Variants in KCTD15 observed in about 807,000 individuals in gnomAD.
KCTD15 encodes the protein potassium channel tetramerization domain containing 15.
A neutral mutation model predicts 27.2 loss-of-function variants in KCTD15; 11 were observed. That is an observed-to-expected ratio of 0.41 (90% confidence interval 0.25 to 0.67). The LOEUF is 0.67. Among genes scored for constraint, KCTD15 ranks in the 30% least tolerant of loss-of-function variants. KCTD15 has a pLI of 0.35. For synonymous variants in KCTD15, 163 were observed against 176.0 expected, an observed-to-expected ratio of 0.93 and a Z score of 0.58; for missense variants, 350 against 409.3, an observed-to-expected ratio of 0.86 and a Z score of 1.25.
At chr19:33,809,294 C>T (rs1357453179) in intron 5 of KCTD15, among the ~76,000 whole-genome samples, 1 of 152,060 alleles carries the variant, frequency 6.6e-6, no homozygotes, top group African/African-American at 2.4e-5. Context: ...ATAAACTTTA[C>T]TTTTAAAGTT....
rs1976034406 is a variant in KCTD15 at position 33,814,431 on chromosome 19, G to A, written c.*1483G>A. On this transcript the variant is annotated 3_prime_UTR_variant, in exon 7 of 7. Coordinates refer to ENST00000683859, the MANE Select transcript of KCTD15 (RefSeq NM_001129994.2). ...GCTTGGTGTTATTTATTGCATTTGG[G>A]TGCCTGTCCCCTCAGGGCAGCACAG... 2 of 152,174 alleles carry A rather than the reference G, an allele frequency of 1.3e-5. No individual in the cohort carries two copies. The highest frequency in any genetic ancestry group is 4.1e-4 in the South Asian group (2 of 4,828). 9.4% of individuals were successfully genotyped at this position (152,174 alleles called of 1,614,324 possible).
At chr19:33,811,903 G>A in intron 6 of KCTD15, 1 of 1,576,028 alleles carries the variant, frequency 6.3e-7, no homozygotes, top group East Asian at 2.2e-5. Flanking sequence ...GCAGGACAGA[G>A]GCTGAGTGGA....
chr19:33,794,725 A>T (rs889210480), upstream of KCTD15, among the ~76,000 whole-genome samples: 16 of 152,258 alleles, frequency 1.1e-4, no homozygotes, highest in Admixed American at 7.2e-4. Flanking sequence ...TTAAGGGTGG[A>T]TACAGGAGAT....
At chr19:33,794,175 A>C (rs570687068), upstream of KCTD15, among the ~76,000 whole-genome samples, 3 of 152,370 alleles carry the variant, frequency 2.0e-5, no homozygotes, top group East Asian at 3.9e-4. Flanking sequence ...AAACAATGAC[A>C]CTTAGTAGCT....
At chr19:33,794,413 T>G (rs142510744), upstream of KCTD15, among the ~76,000 whole-genome samples, 300 of 152,390 alleles carry the variant, frequency 2.0e-3, 2 homozygotes, top group African/African-American at 6.9e-3. Flanking sequence ...TAAAACAGTT[T>G]CGCTTATACC....
Position 33,813,562 on chromosome 19 carries a change from T to A in KCTD15, c.*614T>A. On this transcript the variant is annotated 3_prime_UTR_variant, in exon 7 of 7. Coordinates refer to ENST00000683859, the MANE Select transcript of KCTD15 (RefSeq NM_001129994.2). The stretch of plus-strand genomic sequence containing the variant: ...GCAGGGATGTGTGCTGCAGGGCTGC[T>A]GGGAGGAGAGTGGTGGGGGCCTGAG... 1 of 362,090 alleles carries A rather than the reference T, an allele frequency of 2.8e-6. No individual in the cohort carries two copies. Among genetic ancestry groups the A allele is most frequent in the South Asian group, 2.1e-5 (1 of 48,574 alleles). The allele number at this position is 362,090 out of a possible 1,614,324, so 22.4% of individuals were successfully genotyped here. A position where few individuals can be genotyped will look rare whatever the true frequency, so the allele number is the denominator to read the frequency against.
At chr19:33,806,739 T>C in intron 4 of KCTD15, 124 bp from the exon 5 acceptor site, 1 of 1,070,488 alleles carries the variant, frequency 9.3e-7, no homozygotes, top group Admixed American at 2.1e-5. Context: ...AGTTCCAGAG[T>C]CACCCATGTC....
rs1184813253 is a variant in KCTD15 at position 33,812,990 on chromosome 19, A to G, written c.*42A>G. On this transcript the variant is annotated 3_prime_UTR_variant, in exon 7 of 7. Coordinates refer to ENST00000683859, the MANE Select transcript of KCTD15 (RefSeq NM_001129994.2). ...CACCTGGGCCCCCCCAGGGACCTGG[A>G]AACAGTGCTGGGGAGTTCTGCCTGT... The G allele has an allele frequency of 6.6e-7, 1 of 1,511,106 alleles. No homozygotes were observed. The highest frequency in any genetic ancestry group is 1.2e-5 in the South Asian group (1 of 81,208). 93.6% of individuals were successfully genotyped at this position (1,511,106 alleles called of 1,614,324 possible). A position where few individuals can be genotyped will look rare whatever the true frequency, so the allele number is the denominator to read the frequency against.
upstream of KCTD15, among the ~76,000 whole-genome samples, chr19:33,795,474 C>T (rs2145414663): frequency 6.6e-6 from 1 of 152,098 alleles, no homozygotes; most frequent in East Asian, 1.9e-4. Context: ...TAGGGGGCGT[C>T]CAGGCCCGGC....
intron 4 of KCTD15, chr19:33,801,600 G>A (rs548707704): frequency 2.6e-6 from 1 of 380,876 alleles, no homozygotes; most frequent in Non-Finnish European, 4.7e-6. Context: ...ACCTGCAGGG[G>A]ACTAGGGCTT....
chr19:33,806,560 G>A (rs553469932), intron 4 of KCTD15, among the ~76,000 whole-genome samples: 42 of 152,290 alleles, frequency 2.8e-4, no homozygotes, highest in African/African-American at 9.4e-4. Flanking sequence ...CCTGTGTCTT[G>A]CTATACCTTT....
chr19:33,805,374 T>C (rs1187986382), intron 4 of KCTD15, among the ~76,000 whole-genome samples: 3 of 152,194 alleles, frequency 2.0e-5, no homozygotes, highest in Non-Finnish European at 4.4e-5. Flanking sequence ...GAGGGCAGAC[T>C]TGGGGGCTCT....
chr19:33,812,709 C>T, intron 6 of KCTD15, 81 bp from the exon 7 acceptor site: 2 of 1,397,042 alleles, frequency 1.4e-6, no homozygotes, highest in South Asian at 1.7e-5. Flanking sequence ...GCTGCCCCAG[C>T]AGGCACCCAC....
intron 6 of KCTD15, chr19:33,812,285 T>G: frequency 3.0e-6 from 3 of 1,015,718 alleles, no homozygotes; most frequent in Non-Finnish European, 2.3e-6. Flanking sequence ...ACTTCTCCTT[T>G]TTCTCTCCCT....
upstream of KCTD15, among the ~76,000 whole-genome samples, chr19:33,795,380 C>T (rs943445162): frequency 2.0e-5 from 3 of 152,156 alleles, no homozygotes; most frequent in Admixed American, 2.0e-4. Context: ...CCCCACTTCA[C>T]CTTCCTCCCA....
At chr19:33,797,305 T>G in intron 1 of KCTD15, 1 of 383,350 alleles carries the variant, frequency 2.6e-6, no homozygotes, top group Non-Finnish European at 5.1e-6. Flanking sequence ...CGCGCGCGCT[T>G]GTGGAGGTCC....
upstream of KCTD15, chr19:33,796,054 G>C (rs1975309261): frequency 6.6e-6 from 1 of 152,144 alleles, no homozygotes; most frequent in Non-Finnish European, 1.5e-5. Context: ...CCAGCCCCGG[G>C]CGCCGCGGCG....
At position 33,813,469 on chromosome 19, in the gene KCTD15, T is replaced by C. The variant is rs1022833994; in HGVS notation, c.*521T>C. 2 of 447,952 alleles carry C rather than the reference T, an allele frequency of 4.5e-6. No homozygotes were observed. The highest frequency in any genetic ancestry group is 9.0e-6 in the Non-Finnish European group (2 of 223,052). 27.7% of individuals were successfully genotyped at this position (447,952 alleles called of 1,614,324 possible). A position where few individuals can be genotyped will look rare whatever the true frequency, so the allele number is the denominator to read the frequency against. On this transcript the variant is annotated 3_prime_UTR_variant, in exon 7 of 7. Coordinates refer to ENST00000683859, the MANE Select transcript of KCTD15 (RefSeq NM_001129994.2). ...TTCTCAGTCAGACGTGCAGCATGGC[T>C]GCAGGGTGGACCAGCTGCCTGGCAT...
At chr19:33,811,129 C>G (rs1975889472) in intron 5 of KCTD15, 118 bp from the exon 6 acceptor site, 1 of 844,350 alleles carries the variant, frequency 1.2e-6, no homozygotes, top group Non-Finnish European at 1.8e-6. Flanking sequence ...CACACAATAC[C>G]CTGCGAGTCG....
Sources: allele counts gnomAD v4.1 joint callset (sites outside exome capture counted in the v4.1 genomes callset), GRCh38; gene constraint gnomAD v4.1.1; transcripts MANE v1.5; gene names NCBI Gene and HGNC (gene_info 2026-07-23, HGNC 2026-07-21).